Variants in DPYD observed in about 807,000 individuals in gnomAD.
The protein encoded by DPYD is dihydropyrimidine dehydrogenase [NADP(+)].
A neutral mutation model predicts 116.2 loss-of-function variants in DPYD; 109 were observed. The observed-to-expected ratio is 0.94, with a 90% CI of 0.80 to 1.10. DPYD has a LOEUF of 1.10. Among genes scored for constraint, DPYD ranks in the 50% least tolerant of loss-of-function variants. DPYD has a pLI of 0.00. For synonymous variants in DPYD, 440 were observed against 432.0 expected (o/e 1.02, Z -0.23); for missense variants, 1,302 against 1,254.5 (o/e 1.04, Z -0.57).
chr1:97,117,686 G>A (rs1652085893), intron 20 of DPYD, among the ~76,000 whole-genome samples: 1 of 152,080 alleles, frequency 6.6e-6, no homozygotes, highest in South Asian at 2.1e-4. Flanking sequence ...ACAATTTTCT[G>A]GGTTGTACTA....
intron 3 of DPYD, among the ~76,000 whole-genome samples, chr1:97,758,834 A>G (rs1665409027): frequency 6.6e-6 from 1 of 152,310 alleles, no homozygotes; most frequent in African/African-American, 2.4e-5. Context: ...TCTAGAAAGT[A>G]TAAGACAGAA....
At chr1:97,741,148 C>A (rs1433532490) in intron 3 of DPYD, among the ~76,000 whole-genome samples, 2 of 152,156 alleles carry the variant, frequency 1.3e-5, no homozygotes, top group Non-Finnish European at 2.9e-5. Context: ...CCAGTAGCAG[C>A]ACACATACAA....
intron 3 of DPYD, among the ~76,000 whole-genome samples, chr1:97,791,691 T>C (rs1667326762): frequency 6.6e-6 from 1 of 152,238 alleles, no homozygotes; most frequent in African/African-American, 2.4e-5. Context: ...AATGCTAGTG[T>C]ATTGACTAAC....
chr1:97,166,462 G>T (rs1227025050), intron 20 of DPYD, among the ~76,000 whole-genome samples: 1 of 152,018 alleles, frequency 6.6e-6, no homozygotes, highest in African/African-American at 2.4e-5. Flanking sequence ...TAACTATTGG[G>T]TACTAGGACT....
intron 19 of DPYD, among the ~76,000 whole-genome samples, chr1:97,200,847 G>A (rs1659152638): frequency 6.6e-6 from 1 of 152,140 alleles, no homozygotes; most frequent in Admixed American, 6.6e-5. Context: ...GACCCGCCTG[G>A]TTTGAAGCTC....
intron 16 of DPYD, among the ~76,000 whole-genome samples, chr1:97,345,254 G>T (rs1269269206): frequency 6.6e-6 from 1 of 151,570 alleles, no homozygotes; most frequent in Non-Finnish European, 1.5e-5. Flanking sequence ...AAATACATAT[G>T]GACAAAAAGA....
rs377261731 is a variant in DPYD, at chr1:97,765,871, G to T, written c.234-25392C>A. On this transcript the variant is annotated intron_variant, in intron 3 of 22. Transcript: ENST00000370192. ...TGCAAAAGCTAAAAAGACGATAAGT[G>T]AACTATTATCAAAGGCTGAATAATG... 5.9e-5 allele frequency among the ~76,000 whole-genome samples: 9 copies of T among 152,192 alleles called. No individual in the cohort carries two copies. The East Asian group carries it at 1.2e-3, about 20-fold the overall frequency.
intron 19 of DPYD, among the ~76,000 whole-genome samples, chr1:97,218,954 G>C (rs1458393614): frequency 6.6e-6 from 1 of 152,062 alleles, no homozygotes; most frequent in Non-Finnish European, 1.5e-5. Flanking sequence ...AAAAGGCAAA[G>C]GTGCCTAAAA....
At chr1:97,693,991 A>T (rs1306608010) in intron 6 of DPYD, among the ~76,000 whole-genome samples, 1 of 152,206 alleles carries the variant, frequency 6.6e-6, no homozygotes, top group Admixed American at 6.5e-5. Flanking sequence ...ACCTAGCAGG[A>T]AGACACCTGA....
At position 97,811,416 on chromosome 1, in the gene DPYD, T is replaced by C. The variant is rs764080334; in HGVS notation, c.233+16698A>G. On this transcript the variant is annotated intron_variant, in intron 3 of 22. Coordinates refer to ENST00000370192, the MANE Select transcript of DPYD (RefSeq NM_000110.4). ...GGTGTAAGAGTATCTCCACAAATGT[T>C]CAATGCCACTGTGCCTTCAATGGCC... Among the ~76,000 whole-genome samples the C allele has an allele frequency of 4.3e-4, 65 of 152,132 alleles. 1 individual carries two copies. The highest frequency in any genetic ancestry group is 6.5e-4 in the Non-Finnish European group (44 of 67,996).
At chr1:97,351,651 AACT>A (rs1670151657) in intron 16 of DPYD, among the ~76,000 whole-genome samples, 1 of 152,142 alleles carries the variant, frequency 6.6e-6, no homozygotes, top group Admixed American at 6.5e-5. Flanking sequence ...TTAAAATAAT[AACT>A]ACAACAAAAA....
chr1:97,526,075 A>C (rs1045294112), intron 12 of DPYD, among the ~76,000 whole-genome samples: 3 of 151,508 alleles, frequency 2.0e-5, no homozygotes, highest in Non-Finnish European at 4.4e-5. Context: ...ACTTTTGCCA[A>C]GGTCTTGCCT....
intron 18 of DPYD, among the ~76,000 whole-genome samples, chr1:97,246,005 G>A (rs12758854): frequency 0.33 from 49,940 of 151,976 alleles, 8,334 homozygotes; most frequent in South Asian, 0.52. Flanking sequence ...AGTTGATGGC[G>A]TTTTGTTCTC....
chr1:97,248,444 AGC>A (rs1402300234), intron 18 of DPYD, among the ~76,000 whole-genome samples: 2 of 152,180 alleles, frequency 1.3e-5, no homozygotes, highest in Non-Finnish European at 2.9e-5. Flanking sequence ...AGGCCTCCCC[AGC>A]CACATGGAAC....
intron 19 of DPYD, among the ~76,000 whole-genome samples, chr1:97,193,647 T>A (rs1658545259): frequency 6.6e-6 from 1 of 152,172 alleles, no homozygotes. Context: ...AGTTCTCACG[T>A]CTGAAAGTGG....
At chr1:97,260,076 A>T (rs1171517847) in intron 18 of DPYD, among the ~76,000 whole-genome samples, 1 of 152,150 alleles carries the variant, frequency 6.6e-6, no homozygotes, top group African/African-American at 2.4e-5. Flanking sequence ...CTTCTCAAAA[A>T]GCGCTGTAGG....
chr1:97,881,991 C>T (rs1672248450), intron 2 of DPYD, among the ~76,000 whole-genome samples: 1 of 150,592 alleles, frequency 6.6e-6, no homozygotes, highest in African/African-American at 2.4e-5. Context: ...CACATGTACC[C>T]TAAAACTTAA....
chr1:97,858,755 T>C lies in DPYD; in HGVS notation c.150+24509A>G, dbSNP rs930765488. Among the ~76,000 whole-genome samples, 5 of 152,192 alleles carry C rather than the reference T, an allele frequency of 3.3e-5. No individual in the cohort carries two copies. In the East Asian group the frequency reaches 9.6e-4, roughly 29 times the overall value. ...GGAAAAAATAGGCATTACTACCTAG[T>C]ACTTCATTCAATTAAGTATTATCAA... On this transcript the variant is annotated intron_variant, in intron 2 of 22. Coordinates refer to ENST00000370192, the MANE Select transcript of DPYD (RefSeq NM_000110.4).
intron 16 of DPYD, among the ~76,000 whole-genome samples, chr1:97,336,173 A>C (rs1669273789): frequency 6.6e-6 from 1 of 152,218 alleles, no homozygotes; most frequent in Non-Finnish European, 1.5e-5. Flanking sequence ...ATGGCACAAT[A>C]ATAGAAGAGA....
Sources: gnomAD v4.1 joint callset for allele counts (sites outside exome capture counted in the v4.1 genomes callset) on GRCh38, gnomAD v4.1.1 for gene constraint, MANE v1.5 for transcripts, NCBI Gene and HGNC (gene_info 2026-07-23, HGNC 2026-07-21) for gene names.